The following YAF2 variants were observed in gnomAD, a reference collection of about 807,000 sequenced individuals.
The protein encoded by YAF2 is YY1 associated factor 2.
Under a neutral mutation model 20.1 loss-of-function variants are expected in YAF2, and 7 were observed. That is an observed-to-expected ratio of 0.35 (90% CI 0.20 to 0.65). The LOEUF is 0.65. Among genes scored for constraint, YAF2 ranks in the 30% least tolerant of loss-of-function variants. The probability of loss-of-function intolerance (pLI) is 0.69; values close to 1 mark genes in which losing one functional copy is unlikely to be tolerated. For synonymous variants in YAF2, 74 were observed against 76.0 expected (o/e 0.97, Z 0.14); for missense variants, 151 against 219.2 (o/e 0.69, Z 1.96).
chr12:42,183,608 C>T (rs1234470889), intron 2 of YAF2, among the ~76,000 whole-genome samples: 3 of 152,154 alleles, frequency 2.0e-5, no homozygotes, highest in African/African-American at 7.2e-5. Flanking sequence ...TAACTCCATT[C>T]CATTCTATGA....
chr12:42,170,923 T>C (rs536147988), intron 2 of YAF2, among the ~76,000 whole-genome samples: 1 of 152,282 alleles, frequency 6.6e-6, no homozygotes, highest in Non-Finnish European at 1.5e-5. Context: ...TAATATCCGC[T>C]CTAAATGTTG....
chr12:42,161,837 T>A, intron 2 of YAF2, 72 bp from the exon 3 acceptor site: 1 of 1,356,174 alleles, frequency 7.4e-7, no homozygotes, highest in Non-Finnish European at 1.0e-6. Context: ...ACAGAATATC[T>A]CACATTATGA....
At chr12:42,237,904 C>G (rs1374911513) in intron 1 of YAF2, 180 bp from the exon 2 acceptor site, 13 of 536,024 alleles carry the variant, frequency 2.4e-5, no homozygotes, top group Non-Finnish European at 3.1e-5. Context: ...AGGCAGGGCG[C>G]GAGCGCGGCC....
At chr12:42,225,710 G>A (rs1417082408) in intron 2 of YAF2, among the ~76,000 whole-genome samples, 1 of 152,140 alleles carries the variant, frequency 6.6e-6, no homozygotes, top group Non-Finnish European at 1.5e-5. Flanking sequence ...TTATTTCTGA[G>A]GACTCTGTTC....
At chr12:42,181,849 A>T (rs556528263) in intron 2 of YAF2, among the ~76,000 whole-genome samples, 1 of 152,312 alleles carries the variant, frequency 6.6e-6, no homozygotes, top group Admixed American at 6.5e-5. Context: ...AGTATGAATG[A>T]GAAGCGTAGT....
Position 42,224,512 on chromosome 12 carries a change from T to C in YAF2, c.152+13087A>G, listed in dbSNP as rs191574456. 3.6e-3 allele frequency among the ~76,000 whole-genome samples: 546 copies of C among 152,310 alleles called. 5 individuals are homozygous for C. The highest frequency in any genetic ancestry group is 0.013 in the African/African-American group (529 of 41,554). ...CATCTACATTAGGCAATTCTTCTAA[T>C]GCTATCCCTCCTCTAGCCCCCCACC... is the stretch of plus-strand genomic sequence containing the variant. On this transcript the variant is annotated intron_variant, in intron 2 of 3. Transcript: ENST00000534854.
chr12:42,160,439 A>C lies in YAF2; in HGVS notation c.*150T>G, dbSNP rs2065773981. The stretch of plus-strand genomic sequence containing the variant: ...GGTAGGCATCATTGCAATAAAATCT[A>C]ACAAATTCTAACAAATTTCTATTTT... On this transcript the variant is annotated 3_prime_UTR_variant, in exon 4 of 4. Transcript: ENST00000534854. The C allele has an allele frequency of 1.5e-6, 1 of 650,850 alleles. No individual in the cohort carries two copies. Among genetic ancestry groups the C allele is most frequent in the Admixed American group, 3.2e-5 (1 of 30,828 alleles). 40.3% of individuals were successfully genotyped at this position (650,850 alleles called of 1,614,324 possible).
chr12:42,227,925 G>A (rs1307695611), intron 2 of YAF2, among the ~76,000 whole-genome samples: 4 of 142,654 alleles, frequency 2.8e-5, no homozygotes, highest in Non-Finnish European at 4.6e-5. Flanking sequence ...CTACTGGGAA[G>A]TGAGGAGCCC....
At chr12:42,216,713 T>C (rs973999823) in intron 2 of YAF2, among the ~76,000 whole-genome samples, 8 of 152,186 alleles carry the variant, frequency 5.3e-5, no homozygotes, top group African/African-American at 1.9e-4. Context: ...TCCTAAGCCT[T>C]ACCCAACATA....
At position 42,157,135 on chromosome 12, in the gene YAF2, T is replaced by C. The variant is rs1289940067; in HGVS notation, c.*3454A>G. On this transcript the variant is annotated 3_prime_UTR_variant, in exon 4 of 4. Coordinates refer to ENST00000534854, the MANE Select transcript of YAF2 (RefSeq NM_005748.6). ...AAGAAAACAGATTTATTTTGGCTTA[T>C]GAGTCCAAAGGCTGAGGAGTCCAAG... 2.0e-5 allele frequency: 3 copies of C among 152,208 alleles called. No individual in the cohort carries two copies. Among genetic ancestry groups the C allele is most frequent in the East Asian group, 3.8e-4 (2 of 5,198 alleles). 9.4% of individuals were successfully genotyped at this position (152,208 alleles called of 1,614,324 possible). A position where few individuals can be genotyped will look rare whatever the true frequency, so the allele number is the denominator to read the frequency against.
chr12:42,238,216 G>T lies in YAF2; in HGVS notation c.-36C>A. The T allele has an allele frequency of 7.2e-7, 1 of 1,393,524 alleles. No individual in the cohort carries two copies. Among genetic ancestry groups the T allele is most frequent in the Non-Finnish European group, 9.5e-7 (1 of 1,053,386 alleles). The allele number at this position is 1,393,524 out of a possible 1,614,324, so 86.3% of individuals were successfully genotyped here. On this transcript the variant is annotated 5_prime_UTR_variant, in exon 1 of 4. Coordinates refer to ENST00000534854, the MANE Select transcript of YAF2 (RefSeq NM_005748.6). ...TCACCGCACGCCGAGAGTCGCCGCCGCGACCGCTCTGTTTGTCAATAAGGA... is the reference window on the plus strand; with the variant it reads ...TCACCGCACGCCGAGAGTCGCCGCCTCGACCGCTCTGTTTGTCAATAAGGA...
intron 2 of YAF2, among the ~76,000 whole-genome samples, chr12:42,171,666 A>C (rs1198706593): frequency 6.6e-6 from 1 of 152,080 alleles, no homozygotes; most frequent in African/African-American, 2.4e-5. Flanking sequence ...CAAAAATCTC[A>C]TATCTGGCTG....
chr12:42,202,889 C>T (rs1592238733), intron 2 of YAF2, among the ~76,000 whole-genome samples: 3 of 152,008 alleles, frequency 2.0e-5, no homozygotes, highest in African/African-American at 7.2e-5. Flanking sequence ...CACCCGCCTC[C>T]GCCTCTCAAA....
chr12:42,188,207 G>A (rs1271639765), intron 2 of YAF2, among the ~76,000 whole-genome samples: 6 of 152,004 alleles, frequency 3.9e-5, no homozygotes, highest in Non-Finnish European at 1.5e-5. Context: ...CGGGAAAGGG[G>A]AATACAGAAG....
intron 2 of YAF2, among the ~76,000 whole-genome samples, chr12:42,201,934 G>A (rs550071681): frequency 1.3e-5 from 2 of 152,240 alleles, no homozygotes; most frequent in African/African-American, 4.8e-5. Flanking sequence ...TACCCTTGAT[G>A]TCTTTAACCT....
intron 2 of YAF2, among the ~76,000 whole-genome samples, chr12:42,169,019 C>T (rs1175465733): frequency 2.6e-5 from 4 of 152,080 alleles, no homozygotes; most frequent in African/African-American, 7.2e-5. Flanking sequence ...AAAACTCCTC[C>T]CTTAATCCCT....
intron 2 of YAF2, 60 bp downstream of exon 2, chr12:42,237,539 G>T: frequency 6.9e-7 from 1 of 1,441,672 alleles, no homozygotes. Context: ...GCAGCCGCAA[G>T]GGCGTCCTCT....
At chr12:42,188,837 T>G (rs1444191497) in intron 2 of YAF2, among the ~76,000 whole-genome samples, 1 of 152,138 alleles carries the variant, frequency 6.6e-6, no homozygotes, top group African/African-American at 2.4e-5. Context: ...CTGTGCTAAA[T>G]GCAAGAGGAG....
At chr12:42,165,265 TAACTTC>T (rs2065886623) in intron 2 of YAF2, among the ~76,000 whole-genome samples, 1 of 151,932 alleles carries the variant, frequency 6.6e-6, no homozygotes, top group Non-Finnish European at 1.5e-5. Context: ...AGAGAGGAAA[TAACTTC>T]TGTCCATGTT....
Sources: allele counts gnomAD v4.1 joint callset (sites outside exome capture counted in the v4.1 genomes callset), GRCh38; gene constraint gnomAD v4.1.1; transcripts MANE v1.5; gene names NCBI Gene and HGNC (gene_info 2026-07-23, HGNC 2026-07-21).